Variants in WWOX observed in about 807,000 individuals in gnomAD.
WWOX encodes the protein WW domain containing oxidoreductase.
Under a neutral mutation model 46.2 loss-of-function variants are expected in WWOX, and 69 were observed. The ratio of observed to expected loss-of-function variants is 1.49; its 90% CI spans 1.23 to 1.82. The LOEUF is 1.82. WWOX is among the 40% of genes most tolerant of loss of function. WWOX has a pLI of 0.00. For missense variants in WWOX, 919 were observed against 542.6 expected (o/e 1.69, Z -6.89); for synonymous variants, 359 against 202.6 (o/e 1.77, Z -6.56).
At chr16:78,110,862 C>T (rs73562783) in intron 3 of WWOX, among the ~76,000 whole-genome samples, 1 of 152,206 alleles carries the variant, frequency 6.6e-6, no homozygotes, top group Non-Finnish European at 1.5e-5. Flanking sequence ...TTGAGCCCAG[C>T]ACCTGCTCCA....
chr16:78,540,357 G>C (rs1218975710), intron 8 of WWOX, among the ~76,000 whole-genome samples: 1 of 152,046 alleles, frequency 6.6e-6, no homozygotes, highest in Non-Finnish European at 1.5e-5. Flanking sequence ...CTACACATTA[G>C]AATTGTTGCC....
intron 8 of WWOX, among the ~76,000 whole-genome samples, chr16:78,962,751 C>T (rs1048006687): frequency 1.3e-5 from 2 of 152,126 alleles, no homozygotes; most frequent in Admixed American, 6.6e-5. Flanking sequence ...CAGATCAAGA[C>T]AGAGAACATT....
At chr16:79,029,243 G>T (rs2047706023) in intron 8 of WWOX, among the ~76,000 whole-genome samples, 1 of 152,146 alleles carries the variant, frequency 6.6e-6, no homozygotes, top group South Asian at 2.1e-4. Flanking sequence ...GGCCTACTCA[G>T]TTCCACGTCT....
chr16:78,823,213 C>T (rs1026558253), intron 8 of WWOX, among the ~76,000 whole-genome samples: 14 of 152,180 alleles, frequency 9.2e-5, no homozygotes, highest in African/African-American at 3.4e-4. Flanking sequence ...AGGGTCAGGC[C>T]TTGGATGGTG....
intron 8 of WWOX, among the ~76,000 whole-genome samples, chr16:78,739,629 G>A (rs758857873): frequency 3.3e-5 from 5 of 152,050 alleles, no homozygotes; most frequent in Non-Finnish European, 5.9e-5. Context: ...TGGCTAACAC[G>A]GATAAACCTC....
intron 8 of WWOX, among the ~76,000 whole-genome samples, chr16:78,576,792 C>A (rs1045366452): frequency 6.6e-6 from 1 of 152,216 alleles, no homozygotes; most frequent in Non-Finnish European, 1.5e-5. Flanking sequence ...GATTGTGCCA[C>A]TGCACTTCAG....
intron 5 of WWOX, among the ~76,000 whole-genome samples, chr16:78,189,801 C>T (rs1274456814): frequency 1.3e-5 from 2 of 152,080 alleles, no homozygotes; most frequent in Non-Finnish European, 2.9e-5. Context: ...ATTACAGGCA[C>T]CTGCCACCAC....
chr16:79,156,686 G>A (rs2050388221), intron 8 of WWOX, among the ~76,000 whole-genome samples: 1 of 151,858 alleles, frequency 6.6e-6, no homozygotes, highest in Admixed American at 6.6e-5. Context: ...AGATTTTAGG[G>A]TTTACAGCAG....
chr16:78,923,251 G>A (rs2045421181), intron 8 of WWOX, among the ~76,000 whole-genome samples: 1 of 152,040 alleles, frequency 6.6e-6, no homozygotes, highest in African/African-American at 2.4e-5. Context: ...AAAGCACTGG[G>A]ATTACAGGCT....
chr16:78,838,214 G>C (rs1428598880), intron 8 of WWOX, among the ~76,000 whole-genome samples: 1 of 152,106 alleles, frequency 6.6e-6, no homozygotes, highest in Non-Finnish European at 1.5e-5. Context: ...ATGCAAAGCA[G>C]GGTACGTGGA....
chr16:78,756,748 A>G (rs2049658728), intron 8 of WWOX, among the ~76,000 whole-genome samples: 2 of 152,138 alleles, frequency 1.3e-5, no homozygotes, highest in African/African-American at 2.4e-5. Flanking sequence ...AATCAAACCT[A>G]AGTTGGGGAA....
At chr16:78,580,648 A>G (rs1197236175) in intron 8 of WWOX, among the ~76,000 whole-genome samples, 1 of 152,234 alleles carries the variant, frequency 6.6e-6, no homozygotes, top group African/African-American at 2.4e-5. Context: ...TTATAGAAAC[A>G]ACTTTTGTAA....
At chr16:79,193,766 A>C (rs1218198850) in intron 8 of WWOX, among the ~76,000 whole-genome samples, 1 of 152,198 alleles carries the variant, frequency 6.6e-6, no homozygotes, top group Non-Finnish European at 1.5e-5. Context: ...GAAGATTGCA[A>C]AGCCCAGCTC....
intron 8 of WWOX, among the ~76,000 whole-genome samples, chr16:78,850,612 A>G (rs1397205796): frequency 5.3e-5 from 8 of 152,088 alleles, no homozygotes; most frequent in Admixed American, 5.2e-4. Flanking sequence ...CTGCTACTTC[A>G]TATTTACCAT....
chr16:79,097,815 T>C lies in WWOX; in HGVS notation c.1057-113793T>C, dbSNP rs73575158. 1.6e-3 allele frequency among the ~76,000 whole-genome samples: 239 copies of C among 152,298 alleles called. 1 individual carries two copies. The highest frequency in any genetic ancestry group is 5.5e-3 in the African/African-American group (230 of 41,556). On this transcript the variant is annotated intron_variant, in intron 8 of 8. Transcript: ENST00000566780. ...TGGGAACTGAGGAGATTCAAGCCTT[T>C]TGCCCGTCGATCGCAGTTCAGATCT...
chr16:78,931,258 C>T (rs139887232), intron 8 of WWOX, among the ~76,000 whole-genome samples: 4 of 152,172 alleles, frequency 2.6e-5, no homozygotes, highest in Admixed American at 1.3e-4. Flanking sequence ...ATAATGGGAA[C>T]GCAGGTCAGC....
At chr16:78,864,850 C>T (rs2043969187) in intron 8 of WWOX, among the ~76,000 whole-genome samples, 1 of 146,618 alleles carries the variant, frequency 6.8e-6, no homozygotes, top group Non-Finnish European at 1.5e-5. Context: ...GCAACATCCA[C>T]CTCCCGGGTT....
At chr16:78,814,925 T>C (rs2051291110) in intron 8 of WWOX, among the ~76,000 whole-genome samples, 1 of 152,184 alleles carries the variant, frequency 6.6e-6, no homozygotes, top group African/African-American at 2.4e-5. Flanking sequence ...GCCTGGAAGC[T>C]GACCATAGTT....
chr16:78,500,377 AT>A (rs2085030300), intron 8 of WWOX, among the ~76,000 whole-genome samples: 1 of 146,600 alleles, frequency 6.8e-6, no homozygotes, highest in African/African-American at 2.5e-5. Context: ...ACATTTTTGC[AT>A]TTCTTTCTTC....
Sources: gnomAD v4.1 joint callset for allele counts (sites outside exome capture counted in the v4.1 genomes callset) on GRCh38, gnomAD v4.1.1 for gene constraint, MANE v1.5 for transcripts, NCBI Gene and HGNC (gene_info 2026-07-23, HGNC 2026-07-21) for gene names.